Variants in CCDC175 observed in about 807,000 individuals in gnomAD.
CCDC175 encodes coiled-coil domain-containing protein 175.
In CCDC175, 100 loss-of-function variants were observed where a neutral mutation model predicts 114.6. The observed-to-expected ratio is 0.87, with a 90% CI of 0.74 to 1.03. The LOEUF is 1.03. Ranked by LOEUF, CCDC175 falls within the 50% of genes least tolerant of loss-of-function variation. The pLI, the probability that CCDC175 is intolerant of heterozygous loss-of-function variation, is 0.00. For synonymous variants in CCDC175, 306 were observed against 308.7 expected (o/e 0.99, Z 0.09); for missense variants, 880 against 917.8 (o/e 0.96, Z 0.53).
intron 13 of CCDC175, 126 bp from the exon 14 acceptor site, chr14:59,532,036 T>C (rs566676248): frequency 4.0e-5 from 23 of 574,768 alleles, no homozygotes; most frequent in Non-Finnish European, 6.0e-5. Flanking sequence ...CTGAGGTACA[T>C]AGAAAGACAT....
chr14:59,518,933 A>G lies in CCDC175; in HGVS notation c.2098+2641T>C, dbSNP rs555477886. ...GGAACCAACCCAAATGTCCAACAAC[A>G]ATAGACTGGATTAAGAATATGGGGC... is the stretch of plus-strand genomic sequence containing the variant. On this transcript the variant is annotated intron_variant, in intron 17 of 19. Transcript: ENST00000537690. 4.6e-5 allele frequency among the ~76,000 whole-genome samples: 7 copies of G among 152,352 alleles called. No homozygotes were observed. The East Asian group carries it at 1.2e-3, about 25-fold the overall frequency.
intron 9 of CCDC175, among the ~76,000 whole-genome samples, chr14:59,544,145 G>A (rs546732500): frequency 1.3e-5 from 2 of 152,212 alleles, no homozygotes; most frequent in South Asian, 2.1e-4. Flanking sequence ...TCCTCTCAGC[G>A]TGTGGATTGA....
At chr14:59,523,925 C>G (rs1407847871) in intron 16 of CCDC175, among the ~76,000 whole-genome samples, 1 of 151,774 alleles carries the variant, frequency 6.6e-6, no homozygotes, top group Admixed American at 6.6e-5. Flanking sequence ...GGAGGCGGAG[C>G]TTGCAGTGAG....
At chr14:59,519,197 T>C (rs1453504724) in intron 17 of CCDC175, among the ~76,000 whole-genome samples, 2 of 152,046 alleles carry the variant, frequency 1.3e-5, no homozygotes, top group Non-Finnish European at 2.9e-5. Context: ...GGATAGCATT[T>C]GGAGATATAC....
At chr14:59,538,199 C>T in intron 12 of CCDC175, 45 bp from the exon 13 acceptor site, 1 of 1,485,934 alleles carries the variant, frequency 6.7e-7, no homozygotes, top group South Asian at 1.3e-5. Flanking sequence ...TTGTAGTGAT[C>T]AGCCTTACAT....
chr14:59,543,773 G>C (rs568115229), intron 9 of CCDC175, among the ~76,000 whole-genome samples: 1 of 152,070 alleles, frequency 6.6e-6, no homozygotes, highest in Non-Finnish European at 1.5e-5. Context: ...GATTACAGGC[G>C]TGAGCCACTG....
chr14:59,546,039 A>C (rs772160789), intron 8 of CCDC175, among the ~76,000 whole-genome samples: 15 of 152,338 alleles, frequency 9.8e-5, no homozygotes, highest in Middle Eastern at 3.4e-3. Flanking sequence ...TGCACTATTC[A>C]GAATAGCAAA....
intron 2 of CCDC175, among the ~76,000 whole-genome samples, chr14:59,574,097 C>G (rs12586670): frequency 6.6e-6 from 1 of 152,136 alleles, no homozygotes; most frequent in Non-Finnish European, 1.5e-5. Flanking sequence ...CATGATCCCT[C>G]AGTGTTTACG....
At chr14:59,522,697 A>G (rs1893490961) in intron 16 of CCDC175, among the ~76,000 whole-genome samples, 1 of 152,170 alleles carries the variant, frequency 6.6e-6, no homozygotes, top group African/African-American at 2.4e-5. Context: ...AGACTCATCC[A>G]TCTCCCAGGT....
At chr14:59,548,375 A>T (rs1443462118) in intron 8 of CCDC175, among the ~76,000 whole-genome samples, 5 of 152,214 alleles carry the variant, frequency 3.3e-5, no homozygotes, top group African/African-American at 1.2e-4. Flanking sequence ...ATAACTCATG[A>T]GAATTATGAT....
chr14:59,534,170 A>G (rs4479145), intron 13 of CCDC175, among the ~76,000 whole-genome samples: 17,837 of 152,022 alleles, frequency 0.12, 1,213 homozygotes, highest in African/African-American at 0.18. Flanking sequence ...TCTCTGAAAG[A>G]GACTGTGGGG....
chr14:59,560,500 T>C (rs1896169873), intron 7 of CCDC175, among the ~76,000 whole-genome samples: 2 of 152,100 alleles, frequency 1.3e-5, no homozygotes, highest in East Asian at 1.9e-4. Context: ...TCTTTAAAGA[T>C]TGTTGGACCT....
intron 5 of CCDC175, among the ~76,000 whole-genome samples, chr14:59,564,174 TCAC>T (rs1372281157): frequency 6.6e-6 from 1 of 152,038 alleles, no homozygotes. Context: ...TAATAGTAAA[TCAC>T]CACAGCAGTG....
At chr14:59,575,802 C>T (rs963374734) in intron 1 of CCDC175, among the ~76,000 whole-genome samples, 1 of 152,192 alleles carries the variant, frequency 6.6e-6, no homozygotes, top group Non-Finnish European at 1.5e-5. Flanking sequence ...AGCCACCGCG[C>T]CCGGCCAACA....
chr14:59,521,003 A>G (rs1893398852), intron 17 of CCDC175, among the ~76,000 whole-genome samples: 1 of 152,254 alleles, frequency 6.6e-6, no homozygotes, highest in African/African-American at 2.4e-5. Context: ...ATTTAAATGA[A>G]GTAAAAACTT....
chr14:59,506,583 C>T (rs958846260), intron 19 of CCDC175, among the ~76,000 whole-genome samples: 2 of 152,118 alleles, frequency 1.3e-5, no homozygotes, highest in African/African-American at 4.8e-5. Context: ...CCACCACACC[C>T]AGCTGAGCAC....
intron 2 of CCDC175, among the ~76,000 whole-genome samples, chr14:59,574,610 T>A (rs1897008051): frequency 6.6e-6 from 1 of 152,234 alleles, no homozygotes; most frequent in Non-Finnish European, 1.5e-5. Context: ...TTTTAAGCAA[T>A]GCTTATATAT....
At chr14:59,538,910 A>G in intron 11 of CCDC175, 70 bp from the exon 12 acceptor site, 1 of 1,400,794 alleles carries the variant, frequency 7.1e-7, no homozygotes, top group Non-Finnish European at 9.5e-7. Context: ...GAAGAAATTC[A>G]AAGCAAAACA....
At chr14:59,549,715 G>A (rs537295285) in intron 8 of CCDC175, among the ~76,000 whole-genome samples, 3 of 31,078 alleles carry the variant, frequency 9.7e-5, no homozygotes, top group Admixed American at 7.0e-4. Flanking sequence ...GTGAGACTAT[G>A]TCTCAAAAAA....
Sources: allele counts gnomAD v4.1 joint callset (sites outside exome capture counted in the v4.1 genomes callset), GRCh38; gene constraint gnomAD v4.1.1; transcripts MANE v1.5; gene names NCBI Gene and HGNC (gene_info 2026-07-23, HGNC 2026-07-21).